The following KLHL28 variants were observed in gnomAD, a reference collection of about 807,000 sequenced individuals.
KLHL28 encodes the protein kelch-like protein 28.
KLHL28 carries 22 observed loss-of-function variants against 48.3 expected under a neutral mutation model. The ratio of observed to expected loss-of-function variants is 0.46; its 90% CI spans 0.33 to 0.65. The LOEUF is 0.65. Among genes scored for constraint, KLHL28 ranks in the 30% least tolerant of loss-of-function variants. The pLI is 0.03. For synonymous variants in KLHL28, 243 were observed against 242.4 expected, an observed-to-expected ratio of 1.00 and a Z score of -0.02; for missense variants, 527 against 704.3, an observed-to-expected ratio of 0.75 and a Z score of 2.85.
At chr14:44,952,680 T>C (rs975243676) in intron 1 of KLHL28, among the ~76,000 whole-genome samples, 2 of 152,086 alleles carry the variant, frequency 1.3e-5, no homozygotes, top group Admixed American at 1.3e-4. Flanking sequence ...ACTACAGGTG[T>C]CCACCACTGC....
At chr14:44,934,071 T>A in intron 3 of KLHL28, 44 bp downstream of exon 3, 1 of 1,461,384 alleles carries the variant, frequency 6.8e-7, no homozygotes, top group Non-Finnish European at 9.3e-7. Context: ...ATGAGACTTT[T>A]AAAAATCCAT....
Position 44,928,912 on chromosome 14 carries a change from G to T in KLHL28, c.*116C>A. The stretch of plus-strand genomic sequence containing the variant: ...CCCAACAAAACTTTTGAGCCTTCAT[G>T]CTACTTCAAGTTAAAAAGAAAGCAA... On this transcript the variant is annotated 3_prime_UTR_variant, in exon 5 of 5. Transcript: ENST00000396128. The T allele has an allele frequency of 2.3e-6, 2 of 882,556 alleles. No homozygotes were observed. The highest frequency in any genetic ancestry group is 2.0e-5 in the South Asian group (1 of 48,918). The allele number at this position is 882,556 out of a possible 1,614,324, so 54.7% of individuals were successfully genotyped here.
intron 3 of KLHL28, among the ~76,000 whole-genome samples, chr14:44,932,982 C>T (rs964741370): frequency 3.9e-5 from 6 of 152,158 alleles, no homozygotes; most frequent in African/African-American, 1.4e-4. Flanking sequence ...TCCACCCCAT[C>T]CCAAGGATAC....
Position 44,937,215 on chromosome 14 carries a change from G to A in KLHL28, c.900-2657C>T, listed in dbSNP as rs576338997. Among the ~76,000 whole-genome samples the A allele has an allele frequency of 6.0e-5, 9 of 149,388 alleles. No individual in the cohort carries two copies. The East Asian group carries it at 1.8e-3, about 29-fold the overall frequency. On this transcript the variant is annotated intron_variant, in intron 2 of 4. Transcript: ENST00000396128. ...GGCTGGAGTGCAGTGGCGCAATCTC[G>A]GCTCACCACAACCTCCGCCTCCCAG... is the stretch of plus-strand genomic sequence containing the variant.
intron 2 of KLHL28, among the ~76,000 whole-genome samples, chr14:44,940,793 T>A (rs1884039369): frequency 6.6e-6 from 1 of 152,218 alleles, no homozygotes; most frequent in Non-Finnish European, 1.5e-5. Context: ...TAAGCATTCA[T>A]CTATCTTATA....
chr14:44,934,055 T>C (rs959617064), intron 3 of KLHL28, 60 bp downstream of exon 3: 17 of 1,346,948 alleles, frequency 1.3e-5, no homozygotes, highest in Non-Finnish European at 1.6e-5. Context: ...TCAGAAATCA[T>C]TGCTAATGAG....
intron 2 of KLHL28, among the ~76,000 whole-genome samples, chr14:44,943,783 T>C (rs181875073): frequency 7.6e-4 from 115 of 151,858 alleles, no homozygotes; most frequent in Non-Finnish European, 3.8e-4. Flanking sequence ...GGTGCATTCA[T>C]AGCTCACTGC....
At chr14:44,948,622 C>A (rs1247911870) in intron 1 of KLHL28, among the ~76,000 whole-genome samples, 2 of 152,084 alleles carry the variant, frequency 1.3e-5, no homozygotes, top group Non-Finnish European at 2.9e-5. Context: ...TCTCACTGTA[C>A]TAAATTGCCA....
intron 3 of KLHL28, among the ~76,000 whole-genome samples, chr14:44,933,104 T>C (rs754395939): frequency 3.3e-5 from 5 of 152,216 alleles, no homozygotes; most frequent in African/African-American, 1.2e-4. Flanking sequence ...TATAATACTA[T>C]GCAAATAGCT....
chr14:44,958,205 A>C (rs1386735398), intron 1 of KLHL28, among the ~76,000 whole-genome samples: 1 of 151,936 alleles, frequency 6.6e-6, no homozygotes, highest in Non-Finnish European at 1.5e-5. Flanking sequence ...GTCTACAGTA[A>C]CTTAACTTTA....
chr14:44,933,704 T>G (rs1329529634), intron 3 of KLHL28, among the ~76,000 whole-genome samples: 1 of 152,130 alleles, frequency 6.6e-6, no homozygotes, highest in African/African-American at 2.4e-5. Context: ...TTAAATAAGG[T>G]TTTAAGTTTA....
chr14:44,955,538 G>A (rs1396526902), intron 1 of KLHL28, among the ~76,000 whole-genome samples: 1 of 152,176 alleles, frequency 6.6e-6, no homozygotes, highest in African/African-American at 2.4e-5. Context: ...CACTTTGGGA[G>A]GCTAAGGTGG....
chr14:44,944,957 A>G (rs1884260403), intron 2 of KLHL28, 73 bp downstream of exon 2: 17 of 1,111,920 alleles, frequency 1.5e-5, no homozygotes, highest in African/African-American at 3.1e-5. Context: ...TATTTTTAAA[A>G]TATAGAAAAT....
In KLHL28 at chr14:44,928,440, C is replaced by T. The variant is rs949984121; in HGVS notation, c.*588G>A. On this transcript the variant is annotated 3_prime_UTR_variant, in exon 5 of 5. Coordinates refer to ENST00000396128, the MANE Select transcript of KLHL28 (RefSeq NM_017658.5). ...CAATTGTCTTAAAAATTTATTACAT[C>T]CGTAGCCCTAAAACCATTTAGCAGG... The T allele has an allele frequency of 2.6e-5, 4 of 152,124 alleles. No homozygotes were observed. Among genetic ancestry groups the T allele is most frequent in the Non-Finnish European group, 5.9e-5 (4 of 68,028 alleles). The allele number at this position is 152,124 out of a possible 1,614,324, so 9.4% of individuals were successfully genotyped here.
intron 1 of KLHL28, among the ~76,000 whole-genome samples, 193 bp from the exon 2 acceptor site, chr14:44,946,121 T>G (rs758279706): frequency 7.9e-5 from 12 of 152,180 alleles, no homozygotes; most frequent in Admixed American, 3.9e-4. Context: ...TCATTCAACT[T>G]ATTTATTATA....
chr14:44,930,352 C>T (rs1329353199), intron 4 of KLHL28, among the ~76,000 whole-genome samples: 3 of 152,036 alleles, frequency 2.0e-5, no homozygotes, highest in Non-Finnish European at 4.4e-5. Flanking sequence ...TGCAGTGGCG[C>T]GATCTCGGTT....
chr14:44,929,820 T>C (rs1403402902), intron 4 of KLHL28, among the ~76,000 whole-genome samples: 1 of 152,170 alleles, frequency 6.6e-6, no homozygotes, highest in South Asian at 2.1e-4. Context: ...GTCTAGACAC[T>C]GAAATAAAAT....
In KLHL28 at chr14:44,928,704, AAGC is replaced by A; in HGVS notation, c.*321_*323del. ...TAAAATAAAAAAAAAAAAAAAAAAA[AAGC>A]AGCCACGTTTTGTCTACATGTACAC... On this transcript the variant is annotated 3_prime_UTR_variant, in exon 5 of 5. Transcript: ENST00000396128. 6.2e-6 allele frequency: 1 copy of A among 162,272 alleles called. No homozygotes were observed. Among genetic ancestry groups the A allele is most frequent in the Non-Finnish European group, 1.3e-5 (1 of 75,144 alleles). 10.1% of individuals were successfully genotyped at this position (162,272 alleles called of 1,614,324 possible). A position where few individuals can be genotyped will look rare whatever the true frequency, so the allele number is the denominator to read the frequency against.
chr14:44,943,688 T>C (rs1410438415), intron 2 of KLHL28, among the ~76,000 whole-genome samples: 5 of 149,106 alleles, frequency 3.4e-5, no homozygotes, highest in African/African-American at 7.4e-5. Flanking sequence ...ATAAATAAAA[T>C]AAATAAATAA....
Sources: allele counts gnomAD v4.1 joint callset (sites outside exome capture counted in the v4.1 genomes callset), GRCh38; gene constraint gnomAD v4.1.1; transcripts MANE v1.5; gene names NCBI Gene and HGNC (gene_info 2026-07-23, HGNC 2026-07-21).